Variants in FRMPD1 observed in about 807,000 individuals in gnomAD.
FRMPD1 encodes the protein FERM and PDZ domain containing 1.
FRMPD1 carries 76 observed loss-of-function variants against 117.8 expected under a neutral mutation model. The ratio of observed to expected loss-of-function variants is 0.65; its 90% CI spans 0.54 to 0.78. FRMPD1 has a LOEUF of 0.78. FRMPD1 is among the 30% of genes least tolerant of loss of function. The pLI, the probability that FRMPD1 is intolerant of heterozygous loss-of-function variation, is 0.00. For synonymous variants in FRMPD1, 783 were observed against 770.4 expected (o/e 1.02, Z -0.27); for missense variants, 1,786 against 1,964.5 (o/e 0.91, Z 1.72).
chr9:37,745,630 CTA>C lies in FRMPD1; in HGVS notation c.3600_3601del (p.Phe1201ArgfsTer8), dbSNP rs1563967409. On this transcript the variant is annotated frameshift_variant, in exon 16 of 16. Transcript: ENST00000377765. LOFTEE classifies it high-confidence loss of function. ...AGGCTGCCAGGCTCAAGAACAAAAA[CTA>C]TTCGTAGAGTTGGATTTAGACCCTG... ...GQGCQAQEQK[L>X]FVELDLDPDF... is the part of the protein sequence containing the mutation. 1 of 1,614,154 alleles carries C rather than the reference CTA, an allele frequency of 6.2e-7. No individual in the cohort carries two copies. The highest frequency in any genetic ancestry group is 8.5e-7 in the Non-Finnish European group (1 of 1,180,028).
At chr9:37,627,652 TTTATAGAGACAAG>T in the FRMPD1 span, among the ~76,000 whole-genome samples, 1 of 152,236 alleles carries the variant, frequency 6.6e-6, no homozygotes, top group African/African-American at 2.4e-5. Flanking sequence ...TTTTATTTTT[TTTATAGAGACAAG>T]GTCTCACTTT....
At chr9:37,743,226 G>A (rs200899474) in intron 15 of FRMPD1, among the ~76,000 whole-genome samples, 21 of 95,986 alleles carry the variant, frequency 2.2e-4, no homozygotes, top group African/African-American at 9.3e-4. Context: ...TGGCAATAAC[G>A]AGCAGCTTCC....
intron 1 of FRMPD1, among the ~76,000 whole-genome samples, chr9:37,670,788 G>A (rs531996336): frequency 3.9e-5 from 6 of 152,314 alleles, no homozygotes; most frequent in East Asian, 1.9e-4. Context: ...GGAGACTTTC[G>A]TTGTTTTTAT....
intron 4 of FRMPD1, among the ~76,000 whole-genome samples, chr9:37,710,648 G>A (rs968993998): frequency 2.6e-5 from 4 of 152,258 alleles, no homozygotes; most frequent in Admixed American, 6.5e-5. Context: ...TGAGTTATCT[G>A]TGTTATTGCC....
chr9:37,650,381 GGGCCGA>G (rs1820627822), upstream of FRMPD1, among the ~76,000 whole-genome samples: 1 of 152,184 alleles, frequency 6.6e-6, no homozygotes, highest in Admixed American at 6.5e-5. Flanking sequence ...TGGCTGGAGA[GGGCCGA>G]GGAAAGCTAG....
chr9:37,613,689 C>G, the FRMPD1 span, among the ~76,000 whole-genome samples: 1 of 152,216 alleles, frequency 6.6e-6, no homozygotes, highest in Non-Finnish European at 1.5e-5. Flanking sequence ...AACTCACATT[C>G]TTTCAAGCAC....
chr9:37,729,291 G>A (rs545513706), intron 7 of FRMPD1, among the ~76,000 whole-genome samples: 212 of 144,852 alleles, frequency 1.5e-3, no homozygotes, highest in South Asian at 8.5e-3. Context: ...GCTGAAGCAG[G>A]AGAATTGCTT....
intron 14 of FRMPD1, 87 bp from the exon 15 acceptor site, chr9:37,739,991 G>C (rs576466087): frequency 5.0e-6 from 5 of 993,396 alleles, no homozygotes; most frequent in Non-Finnish European, 7.5e-6. Context: ...TTCTCGTCTG[G>C]CAGGGTTGGG....
At chr9:37,636,348 C>T in the FRMPD1 span, among the ~76,000 whole-genome samples, 1 of 152,132 alleles carries the variant, frequency 6.6e-6, no homozygotes, top group East Asian at 1.9e-4. Context: ...GGAGAGAAAC[C>T]CAGTGCAGCA....
rs546015763 is a variant in FRMPD1, at chr9:37,746,524, G to A, written c.4492G>A (p.Val1498Ile). 2 of 1,613,684 alleles carry A rather than the reference G, an allele frequency of 1.2e-6. No homozygotes were observed. The highest frequency in any genetic ancestry group is 2.2e-5 in the South Asian group (2 of 91,086). Residue 1498 changes from valine to isoleucine, a missense_variant, in exon 16 of 16, where the codon GTC becomes ATC. Physicochemically the swap from Val to Ile is conservative, Grantham distance 29. Transcript: ENST00000377765. ...CGTGCGTGACACCTTCCAGCACCTG[G>A]TCCAGCTGGCCGGCCTGTGCTTTCA... ...GAVRDTFQHL[V>I]QLAGLCFQFT...
intron 1 of FRMPD1, among the ~76,000 whole-genome samples, chr9:37,665,447 A>C (rs1306614190): frequency 1.3e-5 from 2 of 152,336 alleles, no homozygotes; most frequent in South Asian, 2.1e-4. Flanking sequence ...AATTCCAGAC[A>C]GGTGGTGTTT....
intron 1 of FRMPD1, among the ~76,000 whole-genome samples, chr9:37,688,830 GA>G (rs1822037288): frequency 6.6e-6 from 1 of 152,006 alleles, no homozygotes; most frequent in Admixed American, 6.5e-5. Context: ...AAAAAATGAT[GA>G]AAAATTAACT....
chr9:37,731,174 G>T, intron 9 of FRMPD1, 71 bp downstream of exon 9: 1 of 1,418,638 alleles, frequency 7.0e-7, no homozygotes, highest in South Asian at 1.2e-5. Context: ...GATTTTGAAC[G>T]TGAGCTCGAG....
At chr9:37,673,473 G>A (rs1361779694) in intron 1 of FRMPD1, among the ~76,000 whole-genome samples, 1 of 152,234 alleles carries the variant, frequency 6.6e-6, no homozygotes, top group African/African-American at 2.4e-5. Flanking sequence ...GGCTCCTGGT[G>A]CAAGCTGTTG....
At chr9:37,689,368 T>C (rs1822055271) in intron 1 of FRMPD1, among the ~76,000 whole-genome samples, 1 of 152,200 alleles carries the variant, frequency 6.6e-6, no homozygotes, top group Non-Finnish European at 1.5e-5. Context: ...TCCTTGGATT[T>C]CATAATTCCC....
At chr9:37,643,854 G>A in the FRMPD1 span, among the ~76,000 whole-genome samples, 1 of 152,308 alleles carries the variant, frequency 6.6e-6, no homozygotes, top group East Asian at 1.9e-4. Context: ...CCACCAGGCT[G>A]AGGTGAGGTG....
At chr9:37,682,052 G>A (rs1234274087) in intron 1 of FRMPD1, among the ~76,000 whole-genome samples, 1 of 152,208 alleles carries the variant, frequency 6.6e-6, no homozygotes, top group East Asian at 1.9e-4. Flanking sequence ...AGTTACATAG[G>A]ATTTGAATAA....
At chr9:37,735,493 G>A (rs1455958956) in intron 12 of FRMPD1, 59 bp from the exon 13 acceptor site, 7 of 1,302,632 alleles carry the variant, frequency 5.4e-6, no homozygotes, top group Non-Finnish European at 6.6e-6. Context: ...TTGCTTACAT[G>A]TGAAATGTAT....
chr9:37,604,634 T>C, the FRMPD1 span, among the ~76,000 whole-genome samples: 1 of 152,230 alleles, frequency 6.6e-6, no homozygotes, highest in Non-Finnish European at 1.5e-5. Context: ...TGTTCAGGGA[T>C]GGTAGAAAAT....
Sources: gnomAD v4.1 joint callset for allele counts (sites outside exome capture counted in the v4.1 genomes callset) on GRCh38, gnomAD v4.1.1 for gene constraint, MANE v1.5 for transcripts, NCBI Gene and HGNC (gene_info 2026-07-23, HGNC 2026-07-21) for gene names.